Variants in TTC21B observed in about 807,000 individuals in gnomAD.
The protein encoded by TTC21B is tetratricopeptide repeat protein 21B.
In TTC21B, 127 loss-of-function variants were observed where a neutral mutation model predicts 175.1. The ratio of observed to expected loss-of-function variants is 0.73; its 90% CI spans 0.63 to 0.84. The LOEUF is 0.84. Among genes scored for constraint, TTC21B ranks in the 40% least tolerant of loss-of-function variants. The pLI, the probability that TTC21B is intolerant of heterozygous loss-of-function variation, is 0.00. For synonymous variants in TTC21B, 524 were observed against 524.5 expected, an observed-to-expected ratio of 1.00 and a Z score of 0.01; for missense variants, 1,561 against 1,558.3, an observed-to-expected ratio of 1.00 and a Z score of -0.03.
At chr2:165,889,822 T>G (rs1447694122) in intron 24 of TTC21B, among the ~76,000 whole-genome samples, 1 of 152,194 alleles carries the variant, frequency 6.6e-6, no homozygotes, top group Admixed American at 6.5e-5. Context: ...GTTTCAGGTA[T>G]TGTCTTGCCT....
Position 165,929,493 on chromosome 2 carries a change from A to G in TTC21B, c.1185+157T>C, listed in dbSNP as rs566202219. Reference sequence around the variant, plus strand: ...GACTTTTAGAATCATTCAGAAGAATAAAGTTTAGTTTTGAATGGAGGTAAA... The same window carrying G: ...GACTTTTAGAATCATTCAGAAGAATGAAGTTTAGTTTTGAATGGAGGTAAA... On this transcript the variant is annotated intron_variant, in intron 10 of 28. Transcript: ENST00000243344. 2.0e-4 allele frequency among the ~76,000 whole-genome samples: 31 copies of G among 152,222 alleles called. No homozygotes were observed. The South Asian group carries it at 6.0e-3, about 29-fold the overall frequency.
At chr2:165,930,552 T>C (rs1315767490) in intron 8 of TTC21B, among the ~76,000 whole-genome samples, 188 bp from the exon 9 acceptor site, 1 of 151,950 alleles carries the variant, frequency 6.6e-6, no homozygotes, top group African/African-American at 2.4e-5. Context: ...GAGTTTATAT[T>C]CTATCAGAAC....
At chr2:165,879,584 T>C (rs1288881978) in intron 27 of TTC21B, 1 of 152,134 alleles carries the variant, frequency 6.6e-6, no homozygotes, top group Non-Finnish European at 1.5e-5. Context: ...AATTAACAAC[T>C]ACAAATTGCC....
intron 14 of TTC21B, among the ~76,000 whole-genome samples, chr2:165,916,254 C>T (rs936663926): frequency 1.3e-5 from 2 of 152,100 alleles, no homozygotes; most frequent in Admixed American, 6.6e-5. Context: ...CAGAGTGAGA[C>T]CTTATCACTA....
chr2:165,889,875 C>T (rs1193731023), intron 24 of TTC21B, among the ~76,000 whole-genome samples: 3 of 152,122 alleles, frequency 2.0e-5, no homozygotes, highest in Non-Finnish European at 4.4e-5. Context: ...CTCTTATATT[C>T]CCTTTATGTC....
In TTC21B at chr2:165,889,140, C is replaced by T. The variant is rs562807922; in HGVS notation, c.3264-666G>A. ...ACACAAACCCATGCACATAAATATACATAAATCAATTAATAAAAGGAAATT... is the reference window on the plus strand; with the variant it reads ...ACACAAACCCATGCACATAAATATATATAAATCAATTAATAAAAGGAAATT... On this transcript the variant is annotated intron_variant, in intron 24 of 28. Coordinates refer to ENST00000243344, the MANE Select transcript of TTC21B (RefSeq NM_024753.5). Among the ~76,000 whole-genome samples, 7 of 152,246 alleles carry T rather than the reference C, an allele frequency of 4.6e-5. No individual in the cohort carries two copies. In the South Asian group the frequency reaches 1.0e-3, roughly 23 times the overall value.
At chr2:165,917,178 C>A in intron 14 of TTC21B, 79 bp downstream of exon 14, 1 of 1,370,876 alleles carries the variant, frequency 7.3e-7, no homozygotes, top group Non-Finnish European at 1.0e-6. Flanking sequence ...CATGCCTGGG[C>A]AGCTTTTCAT....
intron 25 of TTC21B, among the ~76,000 whole-genome samples, chr2:165,884,884 C>G (rs1306634356): frequency 1.3e-5 from 2 of 152,156 alleles, no homozygotes; most frequent in Admixed American, 6.5e-5. Context: ...GAAGCCTCAG[C>G]TTAACATACA....
intron 12 of TTC21B, among the ~76,000 whole-genome samples, chr2:165,923,826 A>G (rs947639864): frequency 3.3e-4 from 49 of 148,826 alleles, no homozygotes; most frequent in African/African-American, 9.4e-4. Context: ...TCCTGGCTCA[A>G]TGCAGCCTCA....
intron 11 of TTC21B, among the ~76,000 whole-genome samples, chr2:165,927,740 T>C (rs1378534706): frequency 6.6e-6 from 1 of 151,882 alleles, no homozygotes; most frequent in Non-Finnish European, 1.5e-5. Context: ...GGTCAACCCC[T>C]GGTACAATTC....
chr2:165,936,048 T>G (rs537896924), intron 6 of TTC21B, among the ~76,000 whole-genome samples: 2 of 152,196 alleles, frequency 1.3e-5, no homozygotes, highest in Admixed American at 6.5e-5. Context: ...GGTCTGACAT[T>G]AGTTGACCTC....
rs756943619 is a variant in TTC21B, at chr2:165,874,791, A to T, written c.3915T>A (p.Asp1305Glu). 1.5e-5 allele frequency: 24 copies of T among 1,613,680 alleles called. No individual in the cohort carries two copies. Among genetic ancestry groups the T allele is most frequent in the Non-Finnish European group, 2.0e-5 (24 of 1,179,844 alleles). ...AHPTYPKIRKDILDKARASLR... is the reference protein window; with the variant it reads ...AHPTYPKIRKEILDKARASLR... The stretch of plus-strand genomic sequence containing the variant: ...AAGACGCACGGGCCTTATCAAGTAT[A>T]TCCTTTCTGATTTTTGGATAAGTTG... Residue 1305 changes from aspartate to glutamate, a missense_variant, in exon 29 of 29, where the codon GAT becomes GAA. Transcript: ENST00000243344.
intron 22 of TTC21B, among the ~76,000 whole-genome samples, chr2:165,892,765 A>C (rs1191815883): frequency 6.6e-6 from 1 of 152,206 alleles, no homozygotes; most frequent in East Asian, 1.9e-4. Flanking sequence ...TGGAATGGCA[A>C]AAACGCAAAA....
intron 5 of TTC21B, 109 bp downstream of exon 5, chr2:165,943,110 C>T: frequency 1.9e-6 from 2 of 1,062,138 alleles, no homozygotes; most frequent in African/African-American, 1.6e-5. Context: ...GAGCTGACAA[C>T]AGTATCATGA....
chr2:165,895,702 T>C (rs1685339226), intron 22 of TTC21B, among the ~76,000 whole-genome samples: 1 of 151,894 alleles, frequency 6.6e-6, no homozygotes, highest in South Asian at 2.1e-4. Flanking sequence ...GTTTGGGCAA[T>C]GTGGGTGGCA....
In TTC21B at chr2:165,887,949, G is replaced by C. The variant is rs144702872; in HGVS notation, c.3459+330C>G. ...GCAGCCAGGTGTTTATTTCCACTTA[G>C]TAAGTTAATCTTGGCTACATCTACA... On this transcript the variant is annotated intron_variant, in intron 25 of 28. Transcript: ENST00000243344. 2.7e-3 allele frequency among the ~76,000 whole-genome samples: 406 copies of C among 152,244 alleles called. 3 individuals carry two copies. The highest frequency in any genetic ancestry group is 8.9e-3 in the African/African-American group (369 of 41,548).
chr2:165,931,706 T>G, intron 8 of TTC21B, 52 bp downstream of exon 8: 1 of 1,454,758 alleles, frequency 6.9e-7, no homozygotes, highest in East Asian at 2.3e-5. Flanking sequence ...CCACTTATTT[T>G]ATGTCCTCTA....
chr2:165,886,691 T>C (rs945307255), intron 25 of TTC21B, among the ~76,000 whole-genome samples: 1 of 152,206 alleles, frequency 6.6e-6, no homozygotes, highest in Non-Finnish European at 1.5e-5. Flanking sequence ...AGCTGTAATA[T>C]CATTCACTGC....
intron 20 of TTC21B, 121 bp downstream of exon 20, chr2:165,901,601 G>A: frequency 1.1e-6 from 1 of 939,818 alleles, no homozygotes; most frequent in Non-Finnish European, 1.7e-6. Flanking sequence ...GGGATTATAG[G>A]CATCAGCCAC....
Sources: allele counts gnomAD v4.1 joint callset (sites outside exome capture counted in the v4.1 genomes callset), GRCh38; gene constraint gnomAD v4.1.1; transcripts MANE v1.5; gene names NCBI Gene and HGNC (gene_info 2026-07-23, HGNC 2026-07-21).